Variants in GRM7 observed in about 807,000 individuals in gnomAD.
GRM7 encodes the protein glutamate metabotropic receptor 7, also known as metabotropic glutamate receptor 7.
GRM7 carries 35 observed loss-of-function variants against 84.5 expected under a neutral mutation model. The observed-to-expected ratio is 0.41, with a 90% confidence interval of 0.32 to 0.55. The LOEUF (loss-of-function observed/expected upper bound fraction) is 0.55, where lower values mean the gene tolerates loss of function less well. Among genes scored for constraint, GRM7 ranks in the 20% least tolerant of loss-of-function variants. The probability of loss-of-function intolerance (pLI) is 0.19; values close to 1 mark genes in which losing one functional copy is unlikely to be tolerated. For missense variants in GRM7, 1,003 were observed against 1,194.6 expected (o/e 0.84, Z 2.36); for synonymous variants, 487 against 455.1 (o/e 1.07, Z -0.89).
intron 7 of GRM7, among the ~76,000 whole-genome samples, chr3:7,547,214 T>G (rs1049158774): frequency 1.2e-4 from 17 of 141,608 alleles, no homozygotes; most frequent in South Asian, 7.4e-4. Flanking sequence ...TTTTTTTTTT[T>G]TTTTTTTTTT....
intron 2 of GRM7, among the ~76,000 whole-genome samples, chr3:7,291,170 G>A (rs960392406): frequency 6.0e-5 from 9 of 150,524 alleles, no homozygotes; most frequent in East Asian, 5.9e-4. Context: ...GAATTTTCTC[G>A]TCCTTCTATA....
intron 7 of GRM7, among the ~76,000 whole-genome samples, chr3:7,521,250 C>A (rs1700581676): frequency 6.6e-6 from 1 of 152,136 alleles, no homozygotes; most frequent in African/African-American, 2.4e-5. Flanking sequence ...TCGATGTTCC[C>A]CTAGCCTTGG....
At chr3:7,293,631 T>C (rs550575746) in intron 2 of GRM7, among the ~76,000 whole-genome samples, 1 of 152,340 alleles carries the variant, frequency 6.6e-6, no homozygotes, top group East Asian at 1.9e-4. Flanking sequence ...GATTAGATTT[T>C]CCGTGTGTCA....
At chr3:7,565,606 T>A (rs1694222024) in intron 7 of GRM7, among the ~76,000 whole-genome samples, 2 of 152,182 alleles carry the variant, frequency 1.3e-5, no homozygotes, top group Admixed American at 1.3e-4. Flanking sequence ...AGCTGACGGA[T>A]ATCTCTGCCA....
At chr3:7,461,436 C>T in intron 6 of GRM7, 147 bp from the exon 7 acceptor site, 1 of 565,698 alleles carries the variant, frequency 1.8e-6, no homozygotes, top group Non-Finnish European at 3.1e-6. Context: ...CTATGAATTG[C>T]AGGGGCCGTT....
intron 8 of GRM7, among the ~76,000 whole-genome samples, chr3:7,643,510 T>C (rs1488709349): frequency 6.6e-6 from 1 of 152,202 alleles, no homozygotes; most frequent in Non-Finnish European, 1.5e-5. Flanking sequence ...GACTTTAAAA[T>C]GCTAGTCATT....
At chr3:7,452,473 A>G (rs1697811680) in intron 5 of GRM7, 134 bp from the exon 6 acceptor site, 1 of 667,786 alleles carries the variant, frequency 1.5e-6, no homozygotes. Context: ...ATGTGGCTTG[A>G]ATTACTGTAT....
chr3:7,345,806 A>T lies in GRM7; in HGVS notation c.1033+39154A>T, dbSNP rs890877963. On this transcript the variant is annotated intron_variant, in intron 4 of 9. Transcript: ENST00000357716. ...TTGAGACCTGCAGGAAGCTGAGGGT[A>T]AAGTGTGTTCATACTCAAAGAGCCT... Among the ~76,000 whole-genome samples, 10 of 150,884 alleles carry T rather than the reference A, an allele frequency of 6.6e-5. 1 individual carries two copies. In the Admixed American group the frequency reaches 6.7e-4, roughly 10 times the overall value.
Position 7,362,241 on chromosome 3 carries a change from A to G in GRM7, c.1034-52782A>G, listed in dbSNP as rs151036553. ...TGAGTGAAAGTTGAGCTACATCATCAGCACTCCAGTAAGAGAGGAGAAACT... is the reference window on the plus strand; with the variant it reads ...TGAGTGAAAGTTGAGCTACATCATCGGCACTCCAGTAAGAGAGGAGAAACT... On this transcript the variant is annotated intron_variant, in intron 4 of 9. Transcript: ENST00000357716. Among the ~76,000 whole-genome samples, 735 of 152,194 alleles carry G rather than the reference A, an allele frequency of 4.8e-3. 11 individuals are homozygous for G. Among genetic ancestry groups the G allele is most frequent in the African/African-American group, 0.017 (710 of 41,566 alleles).
chr3:7,119,367 G>A (rs748187584), intron 1 of GRM7, among the ~76,000 whole-genome samples: 6 of 151,808 alleles, frequency 4.0e-5, no homozygotes, highest in African/African-American at 7.3e-5. Context: ...AATTGTATAC[G>A]TGCTGGGTAT....
chr3:6,884,225 A>T (rs1305351087), intron 1 of GRM7: 1 of 152,668 alleles, frequency 6.6e-6, no homozygotes, highest in Non-Finnish European at 1.5e-5. Flanking sequence ...TCCAGGTAGA[A>T]CTAGATGACA....
chr3:7,571,271 C>CT (rs1378966685), intron 7 of GRM7, among the ~76,000 whole-genome samples: 1 of 152,102 alleles, frequency 6.6e-6, no homozygotes, highest in Non-Finnish European at 1.5e-5. Flanking sequence ...ATGGGATTTT[C>CT]TTTTTTATTG....
At chr3:7,425,554 A>G (rs906249247) in intron 5 of GRM7, among the ~76,000 whole-genome samples, 1 of 152,180 alleles carries the variant, frequency 6.6e-6, no homozygotes, top group Non-Finnish European at 1.5e-5. Flanking sequence ...GTACAAAATA[A>G]TACCTTTAAG....
chr3:7,240,036 A>G (rs1352940210), intron 2 of GRM7, among the ~76,000 whole-genome samples: 3 of 151,550 alleles, frequency 2.0e-5, no homozygotes, highest in African/African-American at 7.3e-5. Flanking sequence ...ATAATGTCCA[A>G]TAAAGGCAGA....
intron 2 of GRM7, among the ~76,000 whole-genome samples, chr3:7,290,539 C>G (rs192913686): frequency 3.3e-5 from 5 of 152,178 alleles, no homozygotes; most frequent in African/African-American, 1.2e-4. Context: ...ATTCACACCT[C>G]ATTAGCATGT....
chr3:7,504,685 A>G (rs1250341095), intron 7 of GRM7, among the ~76,000 whole-genome samples: 1 of 152,202 alleles, frequency 6.6e-6, no homozygotes, highest in East Asian at 1.9e-4. Flanking sequence ...CAATCCCATG[A>G]TAGCAACATT....
intron 7 of GRM7, among the ~76,000 whole-genome samples, chr3:7,532,001 T>C (rs1701055270): frequency 6.6e-6 from 1 of 152,200 alleles, no homozygotes; most frequent in Non-Finnish European, 1.5e-5. Context: ...TTATTGCGCG[T>C]GCTGCTGGAT....
intron 1 of GRM7, among the ~76,000 whole-genome samples, chr3:6,919,616 C>CCA (rs2125029058): frequency 6.6e-6 from 1 of 150,384 alleles, no homozygotes; most frequent in South Asian, 2.1e-4. Context: ...TCCTCTGCAG[C>CCA]CAGGCAAAAC....
intron 1 of GRM7, among the ~76,000 whole-genome samples, chr3:6,900,578 T>A (rs11720594): frequency 0.079 from 11,950 of 152,210 alleles, 695 homozygotes; most frequent in East Asian, 0.2. Context: ...AAAAATTATA[T>A]TAACATCTGT....
Sources: allele counts gnomAD v4.1 joint callset (sites outside exome capture counted in the v4.1 genomes callset), GRCh38; gene constraint gnomAD v4.1.1; transcripts MANE v1.5; gene names NCBI Gene and HGNC (gene_info 2026-07-23, HGNC 2026-07-21).